Variants in TET1 observed in about 807,000 individuals in gnomAD.
TET1 encodes the protein tet methylcytosine dioxygenase 1.
Under a neutral mutation model 148.7 loss-of-function variants are expected in TET1, and 13 were observed. That is an observed-to-expected ratio of 0.09 (90% CI 0.06 to 0.14). TET1 has a LOEUF of 0.14. Among genes scored for constraint, TET1 ranks in the 10% least tolerant of loss-of-function variants. TET1 has a pLI of 1.00. For synonymous variants in TET1, 907 were observed against 937.2 expected (o/e 0.97, Z 0.59); for missense variants, 2,182 against 2,553.8 (o/e 0.85, Z 3.14).
chr10:68,581,695 A>G (rs1445101414), intron 2 of TET1, among the ~76,000 whole-genome samples: 2 of 152,036 alleles, frequency 1.3e-5, no homozygotes, highest in Non-Finnish European at 2.9e-5. Context: ...ATACAAAAAT[A>G]TTAGCTGCGC....
chr10:68,643,732 G>A (rs1167160397), intron 3 of TET1, among the ~76,000 whole-genome samples: 1 of 151,212 alleles, frequency 6.6e-6, no homozygotes, highest in East Asian at 2.0e-4. Flanking sequence ...AAAATTGCTC[G>A]AACCCGGGAG....
chr10:68,662,916 G>A (rs2055143003), intron 6 of TET1, among the ~76,000 whole-genome samples: 1 of 152,162 alleles, frequency 6.6e-6, no homozygotes, highest in Admixed American at 6.6e-5. Flanking sequence ...GTGAGACACT[G>A]TCTCCAAAAG....
chr10:68,587,655 G>A (rs1165849518), intron 2 of TET1, among the ~76,000 whole-genome samples: 2 of 151,982 alleles, frequency 1.3e-5, no homozygotes. Flanking sequence ...TTACTAATTA[G>A]GTACACGCAG....
chr10:68,573,203 C>G lies in TET1; in HGVS notation c.865C>G (p.Pro289Ala). ...SLKLSDSYLD[P>A]IKSEHDCYPT... The stretch of plus-strand genomic sequence containing the variant: ...TAAGTTATCTGATTCTTACCTGGAT[C>G]CCATTAAAAGTGAACATGATTGCTA... The change falls in exon 2 of 12, where the codon CCC becomes GCC. Residue 289 changes from proline to alanine, a missense_variant. Physicochemically the swap from Pro to Ala is conservative, Grantham distance 27. Transcript: ENST00000373644. 1 of 1,613,964 alleles carries G rather than the reference C, an allele frequency of 6.2e-7. No homozygotes were observed. The highest frequency in any genetic ancestry group is 8.5e-7 in the Non-Finnish European group (1 of 1,179,992).
chr10:68,582,552 C>T (rs796644762), intron 2 of TET1, among the ~76,000 whole-genome samples: 25 of 152,130 alleles, frequency 1.6e-4, no homozygotes, highest in East Asian at 1.5e-3. Context: ...ACAAATTGAA[C>T]GACTGACTGT....
At chr10:68,680,649 G>T (rs543207175) in intron 8 of TET1, among the ~76,000 whole-genome samples, 15 of 152,280 alleles carry the variant, frequency 9.9e-5, no homozygotes, top group African/African-American at 3.6e-4. Context: ...TGCTAATAGA[G>T]ACTCATGTGA....
At chr10:68,627,909 C>T (rs931996140) in intron 3 of TET1, among the ~76,000 whole-genome samples, 3 of 151,970 alleles carry the variant, frequency 2.0e-5, no homozygotes, top group Non-Finnish European at 2.9e-5. Context: ...GCACTCCAGC[C>T]GGGGCGGCTG....
chr10:68,676,266 ATATTTTTTTTT>A (rs1238172167), intron 8 of TET1, among the ~76,000 whole-genome samples: 20 of 16,020 alleles, frequency 1.2e-3, no homozygotes, highest in African/African-American at 3.9e-3. Context: ...ATATATATAT[ATATTTTTTTTT>A]TTTTTTTTTT....
intron 7 of TET1, among the ~76,000 whole-genome samples, chr10:68,670,343 G>T (rs889284163): frequency 1.3e-5 from 2 of 152,042 alleles, no homozygotes; most frequent in Admixed American, 6.6e-5. Flanking sequence ...TGAAATTTTT[G>T]AAGCGAAAAG....
chr10:68,568,572 T>G (rs561584409), intron 1 of TET1, among the ~76,000 whole-genome samples: 1 of 152,306 alleles, frequency 6.6e-6, no homozygotes, highest in African/African-American at 2.4e-5. Context: ...ACTGTTGATA[T>G]CCTACTATAG....
At chr10:68,579,944 T>C (rs1326643876) in intron 2 of TET1, among the ~76,000 whole-genome samples, 3 of 152,004 alleles carry the variant, frequency 2.0e-5, no homozygotes, top group Admixed American at 1.3e-4. Context: ...TTTTTTTTTT[T>C]TCAGATAGAA....
At chr10:68,651,972 A>G (rs2054941772) in intron 5 of TET1, 36 bp downstream of exon 5, 1 of 1,549,090 alleles carries the variant, frequency 6.5e-7, no homozygotes, top group Non-Finnish European at 8.9e-7. Flanking sequence ...AATCATTCTT[A>G]CTGTGGATCT....
chr10:68,583,277 C>T (rs1174315809), intron 2 of TET1, among the ~76,000 whole-genome samples: 1 of 152,148 alleles, frequency 6.6e-6, no homozygotes, highest in African/African-American at 2.4e-5. Context: ...AAGTCCTTTT[C>T]AAGTAGCCAG....
intron 3 of TET1, among the ~76,000 whole-genome samples, chr10:68,636,413 G>C (rs780779441): frequency 3.9e-5 from 6 of 152,106 alleles, no homozygotes; most frequent in Non-Finnish European, 8.8e-5. Context: ...GACAGATGAG[G>C]GTGGAGTTCT....
At chr10:68,689,207 T>C (rs1170833345) in intron 11 of TET1, among the ~76,000 whole-genome samples, 1 of 152,194 alleles carries the variant, frequency 6.6e-6, no homozygotes, top group Non-Finnish European at 1.5e-5. Context: ...CTGGGTCTTA[T>C]GTATGCGTTA....
intron 3 of TET1, among the ~76,000 whole-genome samples, chr10:68,613,719 C>A (rs1158189007): frequency 6.6e-6 from 1 of 152,086 alleles, no homozygotes; most frequent in Non-Finnish European, 1.5e-5. Flanking sequence ...GGTGGATCAC[C>A]TGAGGTCAGG....
At chr10:68,596,542 G>A (rs2053991365) in intron 2 of TET1, among the ~76,000 whole-genome samples, 1 of 152,038 alleles carries the variant, frequency 6.6e-6, no homozygotes, top group African/African-American at 2.4e-5. Context: ...TTCAACCTTG[G>A]CCTCTCAAAG....
At chr10:68,628,597 A>G (rs1234480064) in intron 3 of TET1, among the ~76,000 whole-genome samples, 1 of 152,130 alleles carries the variant, frequency 6.6e-6, no homozygotes, top group Non-Finnish European at 1.5e-5. Flanking sequence ...GGGATAGTAA[A>G]GGGAGGGGTG....
At position 68,645,455 on chromosome 10, in the gene TET1, C is replaced by T; in HGVS notation, c.2726C>T (p.Ser909Phe). 1 of 1,613,838 alleles carries T rather than the reference C, an allele frequency of 6.2e-7. No homozygotes were observed. The highest frequency in any genetic ancestry group is 8.5e-7 in the Non-Finnish European group (1 of 1,180,024). Residue 909 changes from serine (S) to phenylalanine (F), a missense_variant, in exon 4 of 12, where the codon TCC becomes TTC. Coordinates refer to ENST00000373644, the MANE Select transcript of TET1 (RefSeq NM_030625.3). The stretch of plus-strand genomic sequence containing the variant: ...TCAGAAGCCCCATCAGAGAATTCCT[C>T]CCCATCAAAGTCAGAGAAGGATGAG... Reference protein sequence around the residue: ...QLSEAPSENSSPSKSEKDEES... With the variant: ...QLSEAPSENSFPSKSEKDEES...
Sources: gnomAD v4.1 joint callset for allele counts (sites outside exome capture counted in the v4.1 genomes callset) on GRCh38, gnomAD v4.1.1 for gene constraint, MANE v1.5 for transcripts, NCBI Gene and HGNC (gene_info 2026-07-23, HGNC 2026-07-21) for gene names.